Variants in SPP1 observed in about 807,000 individuals in gnomAD.
The protein encoded by SPP1 is osteopontin.
In SPP1, 18 loss-of-function variants were observed where a neutral mutation model predicts 20.8. The observed-to-expected ratio is 0.87, with a 90% CI of 0.60 to 1.29. SPP1 has a LOEUF of 1.29. SPP1 is among the 50% of genes most tolerant of loss of function. The pLI, the probability that SPP1 is intolerant of heterozygous loss-of-function variation, is 0.00. For synonymous variants in SPP1, 146 were observed against 141.5 expected, an observed-to-expected ratio of 1.03 and a Z score of -0.23; for missense variants, 363 against 389.0, an observed-to-expected ratio of 0.93 and a Z score of 0.56.
chr4:87,980,288 G>A lies in SPP1; in HGVS notation c.175-105G>A, dbSNP rs976114379. ...TTCTCTCTGTGTTAAGCCATCCACA[G>A]ATGAGGCTGAAAAATAAAAACTGCT... On this transcript the variant is annotated intron_variant, in intron 4 of 6. Coordinates refer to ENST00000395080, the MANE Select transcript of SPP1 (RefSeq NM_001040058.2). 11 of 1,529,048 alleles carry A rather than the reference G, an allele frequency of 7.2e-6. No homozygotes were observed. The African/African-American group carries it at 1.2e-4, about 17-fold the overall frequency. 94.7% of individuals were successfully genotyped at this position (1,529,048 alleles called of 1,614,324 possible).
intron 3 of SPP1, among the ~76,000 whole-genome samples, chr4:87,978,515 T>G (rs566282364): frequency 6.2e-4 from 93 of 150,712 alleles, no homozygotes; most frequent in Admixed American, 1.1e-3. Context: ...CCTGAGTAGC[T>G]GGGACTACAG....
intron 1 of SPP1, among the ~76,000 whole-genome samples, chr4:87,976,093 T>G (rs1725367380): frequency 1.3e-5 from 2 of 152,358 alleles, no homozygotes; most frequent in South Asian, 4.1e-4. Flanking sequence ...GGAATAATTA[T>G]ACCTATATAA....
At chr4:87,982,405 A>T in intron 6 of SPP1, 87 bp from the exon 7 acceptor site, 1 of 1,465,918 alleles carries the variant, frequency 6.8e-7, no homozygotes, top group South Asian at 1.4e-5. Flanking sequence ...GTATAAGATG[A>T]CCTAAAAGCT....
intron 1 of SPP1, among the ~76,000 whole-genome samples, chr4:87,976,415 T>C (rs1313778935): frequency 6.6e-6 from 1 of 152,240 alleles, no homozygotes; most frequent in Non-Finnish European, 1.5e-5. Flanking sequence ...AAGTAGCACC[T>C]ACTTGATAAT....
In SPP1 at chr4:87,978,916, C is replaced by T. The variant is rs191689965; in HGVS notation, c.94-1130C>T. Among the ~76,000 whole-genome samples, 232 of 152,242 alleles carry T rather than the reference C, an allele frequency of 1.5e-3. 1 individual carries two copies. Among genetic ancestry groups the T allele is most frequent in the Middle Eastern group, 0.01 (3 of 294 alleles). On this transcript the variant is annotated intron_variant, in intron 3 of 6. Transcript: ENST00000395080. The stretch of plus-strand genomic sequence containing the variant: ...TAATGATTGGCCCTGGATGATTCAG[C>T]AGATCAGATGATACTTACTCAGAGC...
chr4:87,981,517 G>T lies in SPP1; in HGVS notation c.259G>T (p.Asp87Tyr), dbSNP rs773697661. The T allele has an allele frequency of 1.2e-6, 2 of 1,612,320 alleles. No individual in the cohort carries two copies. Among genetic ancestry groups the T allele is most frequent in the Non-Finnish European group, 1.7e-6 (2 of 1,179,310 alleles). Reference protein sequence around the residue: ...KSNESHDHMDDMDDEDDDDHV... With the variant: ...KSNESHDHMDYMDDEDDDDHV... ...CAACGAAAGCCATGACCACATGGAT[G>T]ATATGGATGATGAAGATGATGATGA... The change falls in exon 6 of 7, where the codon GAT becomes TAT. Residue 87 changes from aspartate (D) to tyrosine (Y), a missense_variant. By Grantham distance (160) the Asp-to-Tyr change is radical. Coordinates refer to ENST00000395080, the MANE Select transcript of SPP1 (RefSeq NM_001040058.2).
Position 87,978,672 on chromosome 4 carries a change from G to A in SPP1, c.94-1374G>A, listed in dbSNP as rs369974616. 2.0e-4 allele frequency among the ~76,000 whole-genome samples: 31 copies of A among 152,220 alleles called. No individual in the cohort carries two copies. In the East Asian group the frequency reaches 4.8e-3, roughly 24 times the overall value. On this transcript the variant is annotated intron_variant, in intron 3 of 6. Coordinates refer to ENST00000395080, the MANE Select transcript of SPP1 (RefSeq NM_001040058.2). ...GCTGGGATTACAGGCGTGAGCCACT[G>A]CGCCCGGCTGTTTTTTCATCTTCTT...
chr4:87,981,335 C>A (rs1423770619), intron 5 of SPP1, 140 bp from the exon 6 acceptor site: 8 of 699,504 alleles, frequency 1.1e-5, no homozygotes, highest in Non-Finnish European at 1.8e-5. Flanking sequence ...ACTTTAGCTC[C>A]TAAAAGCCAT....
chr4:87,980,433 A>G lies in SPP1; in HGVS notation c.215A>G (p.Glu72Gly). The change falls in exon 5 of 7, where the codon GAG becomes GGG. Residue 72 changes from glutamate (E) to glycine (G), a missense_variant and splice_region_variant. Physicochemically the swap from Glu to Gly is moderately conservative, Grantham distance 98. Coordinates refer to ENST00000395080, the MANE Select transcript of SPP1 (RefSeq NM_001040058.2). ...GAAGAAACCAATGACTTTAAACAAG[A>G]GGTAAGTTCTCATTTTCAATCAGAG... ...SSEETNDFKQ[E>G]TLPSKSNESH... 1.9e-6 allele frequency: 3 copies of G among 1,614,038 alleles called. No individual in the cohort carries two copies. Among genetic ancestry groups the G allele is most frequent in the Admixed American group, 1.7e-5 (1 of 60,000 alleles).
chr4:87,976,973 A>C (rs1362571783), intron 2 of SPP1, 24 bp downstream of exon 2: 3 of 1,613,442 alleles, frequency 1.9e-6, no homozygotes, highest in Non-Finnish European at 2.5e-6. Flanking sequence ...CATCTTAAAG[A>C]AAATTCCTGA....
intron 4 of SPP1, 72 bp downstream of exon 4, chr4:87,980,198 A>T (rs1725586640): frequency 6.4e-7 from 1 of 1,556,560 alleles, no homozygotes; most frequent in South Asian, 1.1e-5. Flanking sequence ...TGGGCTGCTC[A>T]GATGAATCCT....
chr4:87,977,199 A>G, intron 3 of SPP1, 102 bp downstream of exon 3: 1 of 1,186,702 alleles, frequency 8.4e-7, no homozygotes, highest in South Asian at 1.3e-5. Flanking sequence ...TTCTCAGTCA[A>G]ATCCATTGGT....
intron 3 of SPP1, among the ~76,000 whole-genome samples, chr4:87,979,025 C>G (rs907541476): frequency 6.6e-6 from 1 of 152,218 alleles, no homozygotes; most frequent in East Asian, 1.9e-4. Context: ...TCATTTACAT[C>G]TTTGGCACCT....
At position 87,982,864 on chromosome 4, in the gene SPP1, G is replaced by C. The variant is rs534131423; in HGVS notation, c.913G>C (p.Glu305Gln). Residue 305 changes from glutamate to glutamine, a missense_variant, in exon 7 of 7, where the codon GAA becomes CAA. Transcript: ENST00000395080. ...ACACCTGAAATTTCGTATTTCTCAT[G>C]AATTAGATAGTGCATCTTCTGAGGT... Reference protein sequence around the residue: ...DKHLKFRISHELDSASSEVN With the variant: ...DKHLKFRISHQLDSASSEVN 6.2e-7 allele frequency: 1 copy of C among 1,613,710 alleles called. No homozygotes were observed. Among genetic ancestry groups the C allele is most frequent in the Non-Finnish European group, 8.5e-7 (1 of 1,179,752 alleles).
In SPP1 at chr4:87,981,721, A is replaced by G. The variant is rs774182751; in HGVS notation, c.463A>G (p.Thr155Ala). The G allele has an allele frequency of 6.2e-6, 10 of 1,614,096 alleles. No individual in the cohort carries two copies. The highest frequency in any genetic ancestry group is 1.7e-5 in the Admixed American group (1 of 60,004). The change falls in exon 6 of 7, where the codon ACA becomes GCA. Residue 155 changes from threonine to alanine, a missense_variant. Physicochemically the swap from Thr to Ala is moderately conservative, Grantham distance 58. Transcript: ENST00000395080. ...VFTPVVPTVD[T>A]YDGRGDSVVY... is the part of the protein sequence containing the mutation. ...CACTCCAGTTGTCCCCACAGTAGAC[A>G]CATATGATGGCCGAGGTGATAGTGT...
chr4:87,977,331 T>C (rs1276224645), intron 3 of SPP1, among the ~76,000 whole-genome samples: 3 of 152,334 alleles, frequency 2.0e-5, no homozygotes, highest in South Asian at 2.1e-4. Flanking sequence ...TATCTAGGCA[T>C]GTATGATGAG....
rs745874390 is a variant in SPP1 at position 87,982,678 on chromosome 4, T to C, written c.727T>C (p.Ser243Pro). Residue 243 changes from serine (S) to proline (P), a missense_variant, in exon 7 of 7, where the codon TCC becomes CCC. Physicochemically the swap from Ser to Pro is moderately conservative, Grantham distance 74 (BLOSUM62 -1). Transcript: ENST00000395080. The stretch of plus-strand genomic sequence containing the variant: ...TGCTGAAACCCACAGCCACAAGCAG[T>C]CCAGATTATATAAGCGGAAAGCCAA... Reference protein sequence around the residue: ...QSAETHSHKQSRLYKRKANDE... With the variant: ...QSAETHSHKQPRLYKRKANDE... The C allele has an allele frequency of 6.2e-7, 1 of 1,614,008 alleles. No individual in the cohort carries two copies. The highest frequency in any genetic ancestry group is 2.2e-5 in the East Asian group (1 of 44,858).
intron 3 of SPP1, chr4:87,977,741 T>G: frequency 1.6e-6 from 2 of 1,284,250 alleles, no homozygotes; most frequent in Non-Finnish European, 2.0e-6. Flanking sequence ...CCCAGAAGCT[T>G]GGACAAAAAG....
chr4:87,976,979 C>A, intron 2 of SPP1, 30 bp downstream of exon 2: 1 of 1,613,370 alleles, frequency 6.2e-7, no homozygotes, highest in Non-Finnish European at 8.5e-7. Flanking sequence ...AAAGAAAATT[C>A]CTGAAAATAA....
Sources: allele counts gnomAD v4.1 joint callset (sites outside exome capture counted in the v4.1 genomes callset), GRCh38; gene constraint gnomAD v4.1.1; transcripts MANE v1.5; gene names NCBI Gene and HGNC (gene_info 2026-07-23, HGNC 2026-07-21).